The following MYH15 variants were observed in gnomAD, a reference collection of about 807,000 sequenced individuals.
MYH15 encodes the protein myosin-15.
MYH15 carries 227 observed loss-of-function variants against 240.5 expected under a neutral mutation model. That is an observed-to-expected ratio of 0.94 (90% CI 0.85 to 1.05). The LOEUF is 1.05. Among genes scored for constraint, MYH15 ranks in the 50% least tolerant of loss-of-function variants. MYH15 has a pLI of 0.00. For missense variants in MYH15, 2,217 were observed against 2,247.5 expected (o/e 0.99, Z 0.27); for synonymous variants, 785 against 796.7 (o/e 0.99, Z 0.25).
intron 25 of MYH15, 91 bp downstream of exon 25, chr3:108,437,463 C>T: frequency 1.4e-6 from 2 of 1,472,444 alleles, no homozygotes; most frequent in Non-Finnish European, 1.8e-6. Context: ...AGCTATCTGG[C>T]CCTGGAGTCC....
intron 1 of MYH15, among the ~76,000 whole-genome samples, chr3:108,519,570 T>C (rs928256867): frequency 6.6e-6 from 1 of 152,188 alleles, no homozygotes; most frequent in Non-Finnish European, 1.5e-5. Context: ...GATAGCTCTA[T>C]GAAGAGAAAC....
chr3:108,473,279 A>C (rs982903292), intron 12 of MYH15, among the ~76,000 whole-genome samples: 2 of 152,138 alleles, frequency 1.3e-5, no homozygotes, highest in Non-Finnish European at 2.9e-5. Context: ...AAAGTGCTGG[A>C]ATTATGGGCG....
At position 108,405,368 on chromosome 3, in the gene MYH15, G is replaced by T; in HGVS notation, c.4706C>A (p.Ser1569Ter). 1 of 1,509,728 alleles carries T rather than the reference G, an allele frequency of 6.6e-7. No homozygotes were observed. The highest frequency in any genetic ancestry group is 9.0e-7 in the Non-Finnish European group (1 of 1,114,410). The allele number at this position is 1,509,728 out of a possible 1,614,324, so 93.5% of individuals were successfully genotyped here. A position where few individuals can be genotyped will look rare whatever the true frequency, so the allele number is the denominator to read the frequency against. ...EAKAELERKL[S>*]EKDEEIENFR... ...ATTTTCTATTTCTTCATCTTTCTCT[G>T]AAAGCTTTCTTTCAAGTTCTGCTTT... is the stretch of plus-strand genomic sequence containing the variant. Residue 1569 changes from serine to a stop codon, truncating the protein, a stop_gained, in exon 33 of 41, where the codon TCA becomes TAA. Transcript: ENST00000693548. LOFTEE classifies it high-confidence loss of function.
intron 17 of MYH15, 30 bp downstream of exon 17, chr3:108,460,270 A>C (rs745845382): frequency 7.3e-6 from 11 of 1,508,836 alleles, no homozygotes; most frequent in Non-Finnish European, 9.0e-6. Flanking sequence ...TGAGGCAATT[A>C]ATATATGAAT....
At chr3:108,439,678 A>C (rs1028053958) in intron 24 of MYH15, 59 bp downstream of exon 24, 1 of 1,316,782 alleles carries the variant, frequency 7.6e-7, no homozygotes, top group Non-Finnish European at 1.0e-6. Context: ...TGAAGTAAAA[A>C]CTGGAGTTAT....
chr3:108,509,562 G>C (rs1272910619), intron 1 of MYH15, among the ~76,000 whole-genome samples: 2 of 152,112 alleles, frequency 1.3e-5, no homozygotes, highest in Non-Finnish European at 2.9e-5. Context: ...TCCATAACTG[G>C]CTTGAATTAT....
the MYH15 span, among the ~76,000 whole-genome samples, chr3:108,539,614 T>C: frequency 6.6e-6 from 1 of 152,126 alleles, no homozygotes; most frequent in East Asian, 1.9e-4. Flanking sequence ...AATAGGAAAA[T>C]ATAATTTACG....
intron 40 of MYH15, among the ~76,000 whole-genome samples, chr3:108,381,814 C>T (rs547717566): frequency 6.6e-6 from 1 of 152,328 alleles, no homozygotes; most frequent in South Asian, 2.1e-4. Flanking sequence ...GGCAGCGCCC[C>T]CCTTTGCCAA....
At chr3:108,401,730 G>C (rs1299028654) in intron 33 of MYH15, among the ~76,000 whole-genome samples, 1 of 152,212 alleles carries the variant, frequency 6.6e-6, no homozygotes, top group Non-Finnish European at 1.5e-5. Flanking sequence ...TTTTCCCACA[G>C]TTGTTTATGA....
chr3:108,534,319 G>C (rs2083732332), upstream of MYH15, among the ~76,000 whole-genome samples: 1 of 152,126 alleles, frequency 6.6e-6, no homozygotes, highest in Admixed American at 6.6e-5. Context: ...CAGCCTATTT[G>C]ATAGTATATT....
chr3:108,429,482 G>GT (rs1420395134), intron 26 of MYH15, among the ~76,000 whole-genome samples: 1 of 152,106 alleles, frequency 6.6e-6, no homozygotes, highest in African/African-American at 2.4e-5. Flanking sequence ...ACTAAAGCGA[G>GT]TAGAGATACA....
chr3:108,512,932 C>A (rs1448900388), upstream of MYH15, among the ~76,000 whole-genome samples: 4 of 152,064 alleles, frequency 2.6e-5, no homozygotes, highest in Non-Finnish European at 5.9e-5. Flanking sequence ...GAATGATTCA[C>A]CTGAGCAAAA....
intron 35 of MYH15, 74 bp from the exon 36 acceptor site, chr3:108,394,230 T>A: frequency 1.9e-6 from 3 of 1,590,506 alleles, no homozygotes; most frequent in Non-Finnish European, 2.6e-6. Context: ...GTTCAGGACA[T>A]GCAATGGGAG....
chr3:108,448,835 CAAAG>C (rs2082949874), intron 21 of MYH15, among the ~76,000 whole-genome samples: 1 of 151,364 alleles, frequency 6.6e-6, no homozygotes, highest in Non-Finnish European at 1.5e-5. Flanking sequence ...AAATTAGAAA[CAAAG>C]AAGTTAAAGT....
At chr3:108,462,982 A>C (rs2083083666) in intron 16 of MYH15, 129 bp downstream of exon 16, 2 of 1,033,548 alleles carry the variant, frequency 1.9e-6, no homozygotes, top group African/African-American at 3.2e-5. Flanking sequence ...AAGACTAATA[A>C]GAGGGGACGA....
chr3:108,398,730 T>G lies in MYH15; in HGVS notation c.5040A>C (p.Leu1680=). 6.2e-7 allele frequency: 1 copy of G among 1,614,192 alleles called. No individual in the cohort carries two copies. Among genetic ancestry groups the G allele is most frequent in the Admixed American group, 1.7e-5 (1 of 60,030 alleles). Residue 1680 remains leucine, a synonymous_variant, in exon 35 of 41, where the codon CTA becomes CTC. Transcript: ENST00000693548. The stretch of plus-strand genomic sequence containing the variant: ...GCTCTGTCTGCTCTTGCAGGGACCT[T>G]AGATCCTCTAGTTCAGACTGAAGAA... The part of the protein sequence containing the change: ...NSLLQSELED[L]RSLQEQTERG...
At position 108,416,165 on chromosome 3, in the gene MYH15, A is replaced by G. The variant is rs551672440; in HGVS notation, c.3948+647T>C. 2.0e-5 allele frequency among the ~76,000 whole-genome samples: 3 copies of G among 152,358 alleles called. No individual in the cohort carries two copies. The East Asian group carries it at 5.8e-4, about 29-fold the overall frequency. ...ATAGAAAGTATGGAGAGTTAAGGGAATAAAATGGTACAATATTTTAAAACA... is the reference window on the plus strand; with the variant it reads ...ATAGAAAGTATGGAGAGTTAAGGGAGTAAAATGGTACAATATTTTAAAACA... On this transcript the variant is annotated intron_variant, in intron 29 of 40. Transcript: ENST00000693548.
chr3:108,486,908 A>C (rs1476731858), intron 9 of MYH15, among the ~76,000 whole-genome samples: 1 of 152,274 alleles, frequency 6.6e-6, no homozygotes, highest in Non-Finnish European at 1.5e-5. Flanking sequence ...GGAGGATAAA[A>C]GTATTTTGTA....
At chr3:108,464,181 G>A (rs188090117) in intron 15 of MYH15, among the ~76,000 whole-genome samples, 3 of 152,304 alleles carry the variant, frequency 2.0e-5, no homozygotes, top group African/African-American at 7.2e-5. Flanking sequence ...CACTGGTGAG[G>A]AAATGAGGAG....
Sources: allele counts gnomAD v4.1 joint callset (sites outside exome capture counted in the v4.1 genomes callset), GRCh38; gene constraint gnomAD v4.1.1; transcripts MANE v1.5; gene names NCBI Gene and HGNC (gene_info 2026-07-23, HGNC 2026-07-21).